ZNF385D: variants seen among roughly 807,000 people sequenced by gnomAD.
ZNF385D encodes the protein zinc finger protein 385D.
ZNF385D carries 15 observed loss-of-function variants against 35.8 expected under a neutral mutation model. The observed-to-expected ratio is 0.42, with a 90% CI of 0.28 to 0.64. The LOEUF is 0.64. Among genes scored for constraint, ZNF385D ranks in the 30% least tolerant of loss-of-function variants. ZNF385D has a pLI of 0.23. For missense variants in ZNF385D, 474 were observed against 494.6 expected (o/e 0.96, Z 0.39); for synonymous variants, 212 against 186.8 (o/e 1.13, Z -1.10).
intron 2 of ZNF385D, among the ~76,000 whole-genome samples, chr3:22,297,815 T>C (rs1207912356): frequency 2.0e-5 from 3 of 152,124 alleles, no homozygotes; most frequent in Non-Finnish European, 4.4e-5. Flanking sequence ...ACTATCTCTA[T>C]TGACCTAGGA....
At chr3:22,186,250 A>G (rs754960960) in intron 2 of ZNF385D, among the ~76,000 whole-genome samples, 1 of 152,180 alleles carries the variant, frequency 6.6e-6, no homozygotes, top group African/African-American at 2.4e-5. Context: ...AAAAATCTTC[A>G]AAGTCATCTT....
chr3:21,604,987 GGGCATACC>G (rs1289675857), intron 2 of ZNF385D, among the ~76,000 whole-genome samples: 4 of 152,178 alleles, frequency 2.6e-5, no homozygotes, highest in African/African-American at 9.7e-5. Flanking sequence ...AAGTTGCCTT[GGGCATACC>G]TCTGACACTA....
intron 3 of ZNF385D, among the ~76,000 whole-genome samples, chr3:22,136,989 T>C (rs1704166484): frequency 6.6e-6 from 1 of 152,140 alleles, no homozygotes. Context: ...TTCTATATGA[T>C]CATGTAGTGG....
intron 3 of ZNF385D, among the ~76,000 whole-genome samples, chr3:22,124,114 C>G (rs1033888795): frequency 1.3e-5 from 2 of 151,684 alleles, no homozygotes; most frequent in African/African-American, 4.8e-5. Context: ...TTCTGGTAAC[C>G]GTTATTCTAC....
chr3:21,501,217 C>G (rs1394968349), intron 4 of ZNF385D, among the ~76,000 whole-genome samples: 1 of 152,000 alleles, frequency 6.6e-6, no homozygotes, highest in Non-Finnish European at 1.5e-5. Context: ...CTCCCTCTAT[C>G]GCTGTACGGG....
At chr3:22,058,399 T>A (rs569326265) in intron 3 of ZNF385D, among the ~76,000 whole-genome samples, 1 of 152,308 alleles carries the variant, frequency 6.6e-6, no homozygotes, top group Non-Finnish European at 1.5e-5. Context: ...CCCTATTGTT[T>A]AAAAGGACTG....
At position 21,425,667 on chromosome 3, in the gene ZNF385D, G is replaced by A. The variant is rs1309235125; in HGVS notation, c.677C>T (p.Thr226Ile). ...GGCTTCTAACATGGTTTTGTGCTTAGTACCTGTCAGGAATATTGAAATGAA... is the reference window on the plus strand; with the variant it reads ...GGCTTCTAACATGGTTTTGTGCTTAATACCTGTCAGGAATATTGAAATGAA... ...ASQLEAHNSGTKHKTMLEARN... is the reference protein window; with the variant it reads ...ASQLEAHNSGIKHKTMLEARN... Residue 226 changes from threonine (T) to isoleucine (I), a missense_variant, in exon 6 of 8, where the codon ACT becomes ATT. By Grantham distance (89) the Thr-to-Ile change is moderately conservative (BLOSUM62 -1). Coordinates refer to ENST00000281523, the MANE Select transcript of ZNF385D (RefSeq NM_024697.3). 1 of 1,545,030 alleles carries A rather than the reference G, an allele frequency of 6.5e-7. No individual in the cohort carries two copies. The highest frequency in any genetic ancestry group is 8.8e-7 in the Non-Finnish European group (1 of 1,139,298).
chr3:22,354,187 A>C (rs1696047016), intron 2 of ZNF385D, among the ~76,000 whole-genome samples: 4 of 151,856 alleles, frequency 2.6e-5, no homozygotes, highest in African/African-American at 9.7e-5. Flanking sequence ...CAGTTCTCCA[A>C]CTCCCCATCC....
intron 1 of ZNF385D, 144 bp from the exon 2 acceptor site, chr3:21,665,172 G>C (rs540706895): frequency 7.5e-6 from 8 of 1,062,314 alleles, no homozygotes; most frequent in African/African-American, 4.9e-5. Context: ...ACTGGGAACC[G>C]GCCAATGAGC....
chr3:22,272,743 G>A (rs1701240625), intron 2 of ZNF385D, among the ~76,000 whole-genome samples: 1 of 151,922 alleles, frequency 6.6e-6, no homozygotes, highest in African/African-American at 2.4e-5. Context: ...GTAAATAATT[G>A]TATCCCTTAT....
chr3:21,527,282 T>C (rs1372407848), intron 3 of ZNF385D, among the ~76,000 whole-genome samples: 13 of 152,184 alleles, frequency 8.5e-5, no homozygotes, highest in Non-Finnish European at 1.0e-4. Flanking sequence ...CATTTCTTCA[T>C]TTGACGAAGA....
At chr3:21,726,952 T>A (rs1020565056) in intron 1 of ZNF385D, among the ~76,000 whole-genome samples, 4 of 152,144 alleles carry the variant, frequency 2.6e-5, no homozygotes, top group Non-Finnish European at 5.9e-5. Flanking sequence ...CAGAACAGCA[T>A]AGTACTGGTA....
intron 3 of ZNF385D, among the ~76,000 whole-genome samples, chr3:21,993,956 G>A (rs1200719987): frequency 6.6e-6 from 1 of 152,094 alleles, no homozygotes; most frequent in African/African-American, 2.4e-5. Context: ...TGGATTTTAA[G>A]GTGCCCAACT....
chr3:21,996,357 C>T (rs1365405704), intron 3 of ZNF385D, among the ~76,000 whole-genome samples: 1 of 152,120 alleles, frequency 6.6e-6, no homozygotes, highest in Non-Finnish European at 1.5e-5. Flanking sequence ...TGACCGTGAC[C>T]AGGATGGCTG....
chr3:21,782,423 G>A (rs1309003013), intron 3 of ZNF385D, among the ~76,000 whole-genome samples: 1 of 152,088 alleles, frequency 6.6e-6, no homozygotes, highest in Non-Finnish European at 1.5e-5. Context: ...GACTTAGGAT[G>A]TTCGTTTAAG....
intron 2 of ZNF385D, among the ~76,000 whole-genome samples, chr3:21,661,138 T>A (rs1425135660): frequency 6.6e-6 from 1 of 152,222 alleles, no homozygotes; most frequent in Non-Finnish European, 1.5e-5. Flanking sequence ...AACAGTCTTC[T>A]CTGACCTGTT....
chr3:22,149,302 GAACT>G (rs549172270), intron 3 of ZNF385D, among the ~76,000 whole-genome samples: 97 of 152,180 alleles, frequency 6.4e-4, no homozygotes, highest in Non-Finnish European at 1.1e-3. Context: ...CATTTAACAA[GAACT>G]AATAGTAATT....
upstream of ZNF385D, among the ~76,000 whole-genome samples, chr3:21,752,910 T>G (rs1367274205): frequency 6.6e-6 from 1 of 152,164 alleles, no homozygotes; most frequent in Non-Finnish European, 1.5e-5. Context: ...GTGGTAGAGC[T>G]TATTCATGAA....
chr3:21,988,544 A>G (rs13088291), intron 3 of ZNF385D, among the ~76,000 whole-genome samples: 54,863 of 136,494 alleles, frequency 0.4, 12,365 homozygotes, highest in South Asian at 0.54. Context: ...CTCCAGCTGC[A>G]TGCTGGGAGA....
Sources: allele counts gnomAD v4.1 joint callset (sites outside exome capture counted in the v4.1 genomes callset), GRCh38; gene constraint gnomAD v4.1.1; transcripts MANE v1.5; gene names NCBI Gene and HGNC (gene_info 2026-07-23, HGNC 2026-07-21).